SOX5: variants seen among roughly 807,000 people sequenced by gnomAD.
SOX5 encodes SRY-box transcription factor 5.
Under a neutral mutation model 92.0 loss-of-function variants are expected in SOX5, and 9 were observed. The observed-to-expected ratio is 0.10, with a 90% confidence interval of 0.06 to 0.17. The LOEUF (loss-of-function observed/expected upper bound fraction) is 0.17. Among genes scored for constraint, SOX5 ranks in the 10% least tolerant of loss-of-function variants. The pLI is 1.00. For missense variants in SOX5, 642 were observed against 944.5 expected (o/e 0.68, Z 4.20); for synonymous variants, 344 against 336.3 (o/e 1.02, Z -0.25).
At chr12:24,549,965 C>CA (rs1238119655) in intron 1 of SOX5, among the ~76,000 whole-genome samples, 1 of 152,090 alleles carries the variant, frequency 6.6e-6, no homozygotes, top group African/African-American at 2.4e-5. Flanking sequence ...AAAATGCAAG[C>CA]ATCATTTTGA....
At chr12:23,607,416 A>C (rs2075375998) in intron 8 of SOX5, among the ~76,000 whole-genome samples, 1 of 152,196 alleles carries the variant, frequency 6.6e-6, no homozygotes, top group Admixed American at 6.6e-5. Context: ...AGTAAAATTA[A>C]AGAAGCTGAC....
chr12:24,543,559 G>T (rs570289427), intron 1 of SOX5, among the ~76,000 whole-genome samples: 256 of 152,218 alleles, frequency 1.7e-3, no homozygotes, highest in Admixed American at 3.7e-3. Flanking sequence ...ATGGTGGTAC[G>T]CGTGTGTGGT....
intron 1 of SOX5, among the ~76,000 whole-genome samples, chr12:24,550,696 T>C (rs1451679144): frequency 2.0e-5 from 3 of 152,218 alleles, no homozygotes; most frequent in African/African-American, 7.2e-5. Context: ...GGATAGGTAA[T>C]AGCATCAGAT....
chr12:24,192,731 G>A (rs1178138705), intron 4 of SOX5, among the ~76,000 whole-genome samples: 1 of 152,144 alleles, frequency 6.6e-6, no homozygotes, highest in Non-Finnish European at 1.5e-5. Context: ...AAATTTACCA[G>A]TTTTTCATTC....
chr12:24,029,127 T>A (rs2136812883), intron 4 of SOX5, among the ~76,000 whole-genome samples: 1 of 152,146 alleles, frequency 6.6e-6, no homozygotes, highest in African/African-American at 2.4e-5. Flanking sequence ...CCAATGATAA[T>A]AGTAGTCTTA....
intron 2 of SOX5, among the ~76,000 whole-genome samples, chr12:23,867,832 A>C (rs1375433068): frequency 2.6e-5 from 4 of 151,718 alleles, no homozygotes; most frequent in Non-Finnish European, 4.4e-5. Context: ...AAAAAAAAAA[A>C]CAAAAAAACT....
chr12:24,213,778 C>G (rs545963373), intron 3 of SOX5, among the ~76,000 whole-genome samples: 1 of 151,886 alleles, frequency 6.6e-6, no homozygotes, highest in African/African-American at 2.4e-5. Flanking sequence ...ATTTTGGAGC[C>G]ATATTAATTA....
intron 4 of SOX5, among the ~76,000 whole-genome samples, chr12:24,132,242 T>A (rs1949716941): frequency 1.3e-5 from 2 of 152,078 alleles, no homozygotes; most frequent in African/African-American, 4.8e-5. Context: ...TTAAACAAAT[T>A]AAACAGTTAA....
intron 1 of SOX5, among the ~76,000 whole-genome samples, chr12:24,423,264 TAA>T (rs1453751465): frequency 6.6e-6 from 1 of 152,216 alleles, no homozygotes; most frequent in African/African-American, 2.4e-5. Flanking sequence ...GTGACATTTA[TAA>T]AGTCTCAAGT....
At chr12:24,163,673 T>C (rs1182654089) in intron 4 of SOX5, among the ~76,000 whole-genome samples, 3 of 151,984 alleles carry the variant, frequency 2.0e-5, no homozygotes, top group Non-Finnish European at 2.9e-5. Flanking sequence ...GACTTCAAAA[T>C]GTTTTTCTGA....
At chr12:24,319,327 C>T (rs1177062509) in intron 2 of SOX5, among the ~76,000 whole-genome samples, 1 of 152,224 alleles carries the variant, frequency 6.6e-6, no homozygotes, top group Non-Finnish European at 1.5e-5. Context: ...CACTACTCCA[C>T]TATCAACCCC....
chr12:24,550,806 T>C (rs1299692689), intron 1 of SOX5, among the ~76,000 whole-genome samples: 1 of 152,252 alleles, frequency 6.6e-6, no homozygotes, highest in Non-Finnish European at 1.5e-5. Flanking sequence ...GTATTGCTAA[T>C]TCTTTACACA....
chr12:24,343,851 G>A (rs1952871597), intron 2 of SOX5, among the ~76,000 whole-genome samples: 1 of 152,172 alleles, frequency 6.6e-6, no homozygotes, highest in Non-Finnish European at 1.5e-5. Flanking sequence ...AAGCAATGCT[G>A]TAGCCAGAAA....
intron 9 of SOX5, among the ~76,000 whole-genome samples, chr12:23,581,605 T>A (rs1402007111): frequency 6.6e-6 from 1 of 152,108 alleles, no homozygotes; most frequent in Non-Finnish European, 1.5e-5. Context: ...CCATATCTTA[T>A]TTATCTAATG....
intron 10 of SOX5, among the ~76,000 whole-genome samples, chr12:23,571,640 T>C (rs1208404060): frequency 6.6e-6 from 1 of 152,210 alleles, no homozygotes; most frequent in Non-Finnish European, 1.5e-5. Flanking sequence ...ATCATGGTTA[T>C]AAGGCTCCAA....
At chr12:23,692,030 T>C (rs947873693) in intron 6 of SOX5, among the ~76,000 whole-genome samples, 1 of 152,220 alleles carries the variant, frequency 6.6e-6, no homozygotes, top group African/African-American at 2.4e-5. Flanking sequence ...TTCAGCAATA[T>C]ACCAAAATTT....
intron 2 of SOX5, among the ~76,000 whole-genome samples, chr12:24,362,778 A>G (rs1226965261): frequency 6.6e-6 from 1 of 151,716 alleles, no homozygotes; most frequent in Admixed American, 6.6e-5. Flanking sequence ...GATATTTAAT[A>G]ATTAGCTAGA....
chr12:24,099,541 A>T (rs1487133925), intron 4 of SOX5, among the ~76,000 whole-genome samples: 2 of 152,100 alleles, frequency 1.3e-5, no homozygotes, highest in Non-Finnish European at 2.9e-5. Flanking sequence ...GTGACATGGA[A>T]CAAAGTAGTT....
At chr12:24,165,956 A>T (rs1729280511) in intron 4 of SOX5, among the ~76,000 whole-genome samples, 1 of 152,140 alleles carries the variant, frequency 6.6e-6, no homozygotes, top group Admixed American at 6.6e-5. Context: ...CATGTAGAGG[A>T]TGTTTTGGAA....
Sources: gnomAD v4.1 joint callset for allele counts (sites outside exome capture counted in the v4.1 genomes callset) on GRCh38, gnomAD v4.1.1 for gene constraint, MANE v1.5 for transcripts, NCBI Gene and HGNC (gene_info 2026-07-23, HGNC 2026-07-21) for gene names.